PEBP4: variants seen among roughly 807,000 people sequenced by gnomAD.
PEBP4 encodes phosphatidylethanolamine binding protein 4, also known as phosphatidylethanolamine-binding protein 4.
A neutral mutation model predicts 23.9 loss-of-function variants in PEBP4; 22 were observed. That is an observed-to-expected ratio of 0.92 (90% CI 0.66 to 1.31). The LOEUF (loss-of-function observed/expected upper bound fraction) is 1.31, where lower values mean the gene tolerates loss of function less well. Ranked by LOEUF, PEBP4 falls within the 40% of genes most tolerant of loss-of-function variation. PEBP4 has a pLI of 0.00. For synonymous variants in PEBP4, 112 were observed against 99.3 expected (o/e 1.13, Z -0.76); for missense variants, 324 against 281.7 (o/e 1.15, Z -1.07).
intron 6 of PEBP4, among the ~76,000 whole-genome samples, chr8:22,719,914 G>T (rs1340455198): frequency 6.6e-6 from 1 of 152,224 alleles, no homozygotes; most frequent in Non-Finnish European, 1.5e-5. Flanking sequence ...TACTCACAGA[G>T]GTGGCTGCCT....
intron 3 of PEBP4, among the ~76,000 whole-genome samples, chr8:22,831,058 A>G (rs117195446): frequency 0.012 from 1,759 of 152,134 alleles, 10 homozygotes; most frequent in Middle Eastern, 0.017. Flanking sequence ...CCTGTATTCC[A>G]GTTTCTAGGG....
intron 3 of PEBP4, among the ~76,000 whole-genome samples, chr8:22,890,374 C>T (rs748080199): frequency 1.6e-4 from 25 of 152,172 alleles, no homozygotes; most frequent in Non-Finnish European, 1.0e-4. Flanking sequence ...CTTTGGGCAG[C>T]GATTCTCTAG....
chr8:22,777,955 C>T (rs1805847456), intron 4 of PEBP4, among the ~76,000 whole-genome samples: 1 of 152,230 alleles, frequency 6.6e-6, no homozygotes, highest in South Asian at 2.1e-4. Flanking sequence ...TTCCCAGGGC[C>T]GTCATCACAC....
chr8:22,731,131 T>A (rs917464464), intron 4 of PEBP4, among the ~76,000 whole-genome samples: 1 of 152,186 alleles, frequency 6.6e-6, no homozygotes, highest in Non-Finnish European at 1.5e-5. Context: ...ATATAGTTGA[T>A]CTTTGAACAA....
At position 22,713,426 on chromosome 8, in the gene PEBP4, TG is replaced by T; in HGVS notation, c.627del (p.Arg210GlufsTer15). 6.2e-7 allele frequency: 1 copy of T among 1,612,606 alleles called. No individual in the cohort carries two copies. ...TGCTTGGGCTCGCTGGCCCTTTCTC[TG>T]GGAGCCTGGAGGGTTGGTGAGTCCT... ...NYQDSPTLQA[P>X]RERASEPKHK... On this transcript the variant is annotated frameshift_variant, in exon 7 of 7. Coordinates refer to ENST00000256404, the MANE Select transcript of PEBP4 (RefSeq NM_144962.3). LOFTEE classifies it low-confidence loss of function (END_TRUNC).
At chr8:22,761,033 C>A (rs1805496878) in intron 4 of PEBP4, among the ~76,000 whole-genome samples, 1 of 152,204 alleles carries the variant, frequency 6.6e-6, no homozygotes, top group African/African-American at 2.4e-5. Context: ...GCTCTAGGGC[C>A]AGCGGGGAGG....
intron 2 of PEBP4, among the ~76,000 whole-genome samples, chr8:22,925,918 G>A (rs1414563878): frequency 2.6e-5 from 4 of 152,156 alleles, no homozygotes; most frequent in Admixed American, 6.6e-5. Context: ...AGGCAACCAC[G>A]TTTCTCTTCC....
chr8:22,916,268 T>C (rs1366166442), intron 3 of PEBP4, among the ~76,000 whole-genome samples: 1 of 152,196 alleles, frequency 6.6e-6, no homozygotes, highest in Non-Finnish European at 1.5e-5. Flanking sequence ...AAGAAGCTTC[T>C]CAGGGGCCTT....
intron 3 of PEBP4, among the ~76,000 whole-genome samples, chr8:22,899,999 C>A (rs571688034): frequency 2.0e-5 from 3 of 152,160 alleles, no homozygotes; most frequent in South Asian, 4.2e-4. Context: ...ACCTGGCTTG[C>A]GGTTTGGGCT....
chr8:22,812,983 C>A (rs554044866), intron 4 of PEBP4, among the ~76,000 whole-genome samples: 121 of 152,282 alleles, frequency 7.9e-4, no homozygotes, highest in African/African-American at 2.9e-3. Context: ...ACAACTCGCT[C>A]AGCAGTGGAA....
chr8:22,931,000 T>C (rs1310672766), upstream of PEBP4, among the ~76,000 whole-genome samples: 1 of 152,160 alleles, frequency 6.6e-6, no homozygotes, highest in Non-Finnish European at 1.5e-5. Flanking sequence ...CTCCAGCTAC[T>C]GGGATCTGTT....
At chr8:22,742,255 C>T (rs772765742) in intron 4 of PEBP4, among the ~76,000 whole-genome samples, 17 of 152,358 alleles carry the variant, frequency 1.1e-4, no homozygotes, top group South Asian at 4.1e-4. Context: ...TGAATGCAAA[C>T]GACAGCTGAT....
At chr8:22,802,115 C>T (rs146544864) in intron 4 of PEBP4, among the ~76,000 whole-genome samples, 2 of 152,154 alleles carry the variant, frequency 1.3e-5, no homozygotes, top group African/African-American at 2.4e-5. Context: ...CCAAACGCTC[C>T]GGACTGTGGG....
chr8:22,858,760 A>G (rs964096926), intron 3 of PEBP4, among the ~76,000 whole-genome samples: 7 of 152,218 alleles, frequency 4.6e-5, no homozygotes, highest in African/African-American at 1.7e-4. Context: ...CAGCCTAGCC[A>G]ACATGGTGAA....
Position 22,730,254 on chromosome 8 carries a change from T to C in PEBP4, c.358-3034A>G, listed in dbSNP as rs190098516. On this transcript the variant is annotated intron_variant, in intron 4 of 6. Transcript: ENST00000256404. ...TAGCTCTTCTAAAATATCTTCATGATGGCCAAGTGCAACAGCTCACACCTG... is the reference window on the plus strand; with the variant it reads ...TAGCTCTTCTAAAATATCTTCATGACGGCCAAGTGCAACAGCTCACACCTG... 1.2e-3 allele frequency among the ~76,000 whole-genome samples: 182 copies of C among 152,340 alleles called. 1 individual carries two copies. Among genetic ancestry groups the C allele is most frequent in the African/African-American group, 4.2e-3 (176 of 41,580 alleles).
chr8:22,772,417 T>C (rs1805733860), intron 4 of PEBP4, among the ~76,000 whole-genome samples: 1 of 151,982 alleles, frequency 6.6e-6, no homozygotes, highest in Admixed American at 6.5e-5. Context: ...TCCATGCCCA[T>C]TATATACCTT....
intron 4 of PEBP4, among the ~76,000 whole-genome samples, chr8:22,787,541 G>A (rs995564383): frequency 1.6e-4 from 25 of 152,222 alleles, no homozygotes; most frequent in African/African-American, 5.3e-4. Context: ...CAGATTCTCA[G>A]TTGGCTGGTG....
At chr8:22,720,869 T>A (rs970335630) in intron 6 of PEBP4, among the ~76,000 whole-genome samples, 1 of 152,300 alleles carries the variant, frequency 6.6e-6, no homozygotes, top group East Asian at 1.9e-4. Flanking sequence ...CACCATCACA[T>A]GGTGACTTCT....
At chr8:22,916,533 T>C (rs1054647688) in intron 3 of PEBP4, among the ~76,000 whole-genome samples, 1 of 151,754 alleles carries the variant, frequency 6.6e-6, no homozygotes. Context: ...GAGAGAGTCC[T>C]GCTGCCCTGG....
Sources: allele counts gnomAD v4.1 joint callset (sites outside exome capture counted in the v4.1 genomes callset), GRCh38; gene constraint gnomAD v4.1.1; transcripts MANE v1.5; gene names NCBI Gene and HGNC (gene_info 2026-07-23, HGNC 2026-07-21).